GRM1: variants seen among roughly 807,000 people sequenced by gnomAD.
GRM1 encodes the protein metabotropic glutamate receptor 1.
In GRM1, 33 loss-of-function variants were observed where a neutral mutation model predicts 90.9. That is an observed-to-expected ratio of 0.36 (90% CI 0.28 to 0.49). GRM1 has a LOEUF of 0.49. GRM1 is among the 20% of genes least tolerant of loss of function. GRM1 has a pLI of 0.99. For missense variants in GRM1, 1,190 were observed against 1,534.3 expected (o/e 0.78, Z 3.75); for synonymous variants, 700 against 613.2 (o/e 1.14, Z -2.09).
At chr6:146,268,179 GT>G (rs1356922459) in intron 2 of GRM1, among the ~76,000 whole-genome samples, 1 of 151,958 alleles carries the variant, frequency 6.6e-6, no homozygotes, top group Non-Finnish European at 1.5e-5. Context: ...CAAGATTTTT[GT>G]TTTTACTTAG....
intron 1 of GRM1, among the ~76,000 whole-genome samples, chr6:146,118,948 A>G (rs1297035143): frequency 1.3e-5 from 2 of 152,230 alleles, no homozygotes; most frequent in Admixed American, 6.5e-5. Context: ...TCCTTTGGGT[A>G]TATACCCAGT....
chr6:146,041,152 G>C (rs1310476894), intron 1 of GRM1, among the ~76,000 whole-genome samples: 1 of 151,596 alleles, frequency 6.6e-6, no homozygotes, highest in East Asian at 1.9e-4. Flanking sequence ...TTTATAAATT[G>C]CTTTTATGTG....
intron 1 of GRM1, among the ~76,000 whole-genome samples, chr6:146,104,731 A>C (rs1462507446): frequency 6.6e-6 from 1 of 152,260 alleles, no homozygotes; most frequent in Non-Finnish European, 1.5e-5. Context: ...CGAAATGAAC[A>C]CACAAGTGGG....
intron 1 of GRM1, among the ~76,000 whole-genome samples, chr6:146,060,285 AG>A (rs1172497509): frequency 6.6e-6 from 1 of 151,688 alleles, no homozygotes; most frequent in East Asian, 1.9e-4. Flanking sequence ...GTACATGTGT[AG>A]GTTTATTATA....
At chr6:146,357,504 A>G (rs1583379310) in intron 4 of GRM1, 22 bp from the exon 5 acceptor site, 1 of 1,589,380 alleles carries the variant, frequency 6.3e-7, no homozygotes, top group African/African-American at 1.3e-5. Context: ...TCTATAAGAC[A>G]TGCACATTGT....
intron 3 of GRM1, among the ~76,000 whole-genome samples, chr6:146,347,547 T>G (rs901145538): frequency 6.6e-6 from 1 of 152,138 alleles, no homozygotes; most frequent in African/African-American, 2.4e-5. Context: ...TCCTGTATAC[T>G]AGCAACAAAC....
chr6:146,075,144 C>T (rs56094234), intron 1 of GRM1, among the ~76,000 whole-genome samples: 3,253 of 152,006 alleles, frequency 0.021, 111 homozygotes, highest in African/African-American at 0.074. Context: ...AGATATTTGC[C>T]CTTTGCAAAT....
rs372695866 is a variant in GRM1, at chr6:146,100,841, T to C, written c.701-58507T>C. The stretch of plus-strand genomic sequence containing the variant: ...TCAGGAGAGAGTAGTTGCACACATA[T>C]AATCCCAGCACTTTTGGAAGCCAAT... On this transcript the variant is annotated intron_variant, in intron 1 of 7. Transcript: ENST00000282753. Among the ~76,000 whole-genome samples the C allele has an allele frequency of 1.1e-4, 17 of 152,316 alleles. 1 individual carries two copies. Among genetic ancestry groups the C allele is most frequent in the African/African-American group, 4.1e-4 (17 of 41,572 alleles).
intron 1 of GRM1, among the ~76,000 whole-genome samples, chr6:146,134,774 C>CA (rs573268833): frequency 1.4e-4 from 22 of 152,130 alleles, no homozygotes; most frequent in Admixed American, 1.0e-3. Flanking sequence ...ACTAAAAATA[C>CA]AAAAAATGTA....
intron 2 of GRM1, 44 bp downstream of exon 2, chr6:146,159,641 T>TCTCTCTCTCTCTCTCTCTCTCA (rs372590505): frequency 6.9e-6 from 5 of 728,768 alleles, no homozygotes; most frequent in African/African-American, 6.7e-5. Flanking sequence ...TCTCTCTCTC[T>TCTCTCTCTCTCTCTCTCTCTCA]CACACACACA....
intron 7 of GRM1, among the ~76,000 whole-genome samples, chr6:146,404,645 A>G (rs1777273809): frequency 1.3e-5 from 2 of 152,222 alleles, no homozygotes; most frequent in South Asian, 2.1e-4. Context: ...ATGTTAATGC[A>G]CTTTCATGCC....
intron 1 of GRM1, among the ~76,000 whole-genome samples, chr6:146,094,716 T>G (rs1463836415): frequency 6.6e-6 from 1 of 152,074 alleles, no homozygotes; most frequent in Non-Finnish European, 1.5e-5. Context: ...ATTATAATCT[T>G]GCAGTGGAAT....
chr6:146,196,850 T>G (rs1779141570), intron 2 of GRM1, among the ~76,000 whole-genome samples: 1 of 152,162 alleles, frequency 6.6e-6, no homozygotes, highest in African/African-American at 2.4e-5. Flanking sequence ...AGTGCTATAA[T>G]CTGTCAATCA....
intron 2 of GRM1, among the ~76,000 whole-genome samples, chr6:146,283,955 C>T (rs1041682226): frequency 6.6e-6 from 1 of 152,180 alleles, no homozygotes; most frequent in Non-Finnish European, 1.5e-5. Context: ...ATAAGTACTT[C>T]CAAACTGATT....
At chr6:146,270,062 G>A (rs2114818471) in intron 2 of GRM1, among the ~76,000 whole-genome samples, 1 of 152,044 alleles carries the variant, frequency 6.6e-6, no homozygotes, top group South Asian at 2.1e-4. Flanking sequence ...TTTTGCATAT[G>A]GTATATTAAG....
intron 2 of GRM1, among the ~76,000 whole-genome samples, chr6:146,280,101 C>T (rs139448851): frequency 1.3e-5 from 2 of 152,190 alleles, no homozygotes; most frequent in East Asian, 3.9e-4. Context: ...TAATTGCTCT[C>T]ATCTTCTTGG....
chr6:146,212,125 T>A (rs544362867), intron 2 of GRM1, among the ~76,000 whole-genome samples: 2 of 152,308 alleles, frequency 1.3e-5, no homozygotes, highest in East Asian at 3.9e-4. Flanking sequence ...TCCACTCAAT[T>A]GTCTAGGAGA....
chr6:146,402,143 C>G (rs9386150), intron 7 of GRM1, among the ~76,000 whole-genome samples: 1 of 152,128 alleles, frequency 6.6e-6, no homozygotes, highest in African/African-American at 2.4e-5. Flanking sequence ...GAACTATTAG[C>G]TGCAATTTAT....
rs545392778 is a variant in GRM1, at chr6:146,283,499, A to G, written c.951-21112A>G. Among the ~76,000 whole-genome samples the G allele has an allele frequency of 4.6e-5, 7 of 152,316 alleles. No individual in the cohort carries two copies. In the East Asian group the frequency reaches 1.4e-3, roughly 29 times the overall value. On this transcript the variant is annotated intron_variant, in intron 2 of 7. Transcript: ENST00000282753. Reference sequence around the variant, plus strand: ...AGCAAGTTTTGCTCTCATTAGTCATATTCACCTTGCAAATTAAAACCAATG... The same window carrying G: ...AGCAAGTTTTGCTCTCATTAGTCATGTTCACCTTGCAAATTAAAACCAATG...
Sources: gnomAD v4.1 joint callset for allele counts (sites outside exome capture counted in the v4.1 genomes callset) on GRCh38, gnomAD v4.1.1 for gene constraint, MANE v1.5 for transcripts, NCBI Gene and HGNC (gene_info 2026-07-23, HGNC 2026-07-21) for gene names.